Variants in RPS6KA6 observed in about 807,000 individuals in gnomAD.
RPS6KA6 encodes the protein ribosomal protein S6 kinase A6.
RPS6KA6 carries 27 observed loss-of-function variants against 65.4 expected under a neutral mutation model. The ratio of observed to expected loss-of-function variants is 0.41; its 90% confidence interval spans 0.30 to 0.57. RPS6KA6 has a LOEUF of 0.57. RPS6KA6 is among the 20% of genes least tolerant of loss of function. The pLI is 0.24. For synonymous variants in RPS6KA6, 190 were observed against 184.2 expected, an observed-to-expected ratio of 1.03 and a Z score of -0.26; for missense variants, 486 against 555.6, an observed-to-expected ratio of 0.87 and a Z score of 1.26.
chrX:84,125,863 A>G (rs1305081120), intron 8 of RPS6KA6, among the ~76,000 whole-genome samples: 1 of 110,740 alleles, frequency 9.0e-6, no homozygotes, highest in Non-Finnish European at 1.9e-5. Context: ...CAAAAAATAC[A>G]TAAATAAATA....
At chrX:84,166,664 A>G (rs1279728721) in intron 1 of RPS6KA6, among the ~76,000 whole-genome samples, 1 of 111,357 alleles carries the variant, frequency 9.0e-6, no homozygotes, top group East Asian at 2.8e-4. Context: ...TACTGAAAAA[A>G]TCACTTAACG....
At chrX:84,081,433 C>CT (rs1274368832) in intron 20 of RPS6KA6, among the ~76,000 whole-genome samples, 1 of 111,423 alleles carries the variant, frequency 9.0e-6, no homozygotes, top group Non-Finnish European at 1.9e-5. Context: ...AGTCGAATGC[C>CT]TGAATATACC....
At chrX:84,130,261 G>A (rs991917537) in intron 8 of RPS6KA6, among the ~76,000 whole-genome samples, 1 of 111,653 alleles carries the variant, frequency 9.0e-6, no homozygotes, top group African/African-American at 3.2e-5. Flanking sequence ...ATATGAAAAT[G>A]TGCTTAGTGT....
At chrX:84,143,114 A>C (rs1025571691) in intron 6 of RPS6KA6, among the ~76,000 whole-genome samples, 16 of 111,274 alleles carry the variant, frequency 1.4e-4, no homozygotes, top group Admixed American at 9.6e-5. Context: ...AAAAAGGGTA[A>C]TACATCAAGA....
intron 6 of RPS6KA6, among the ~76,000 whole-genome samples, chrX:84,140,452 ATG>A (rs1259401489): frequency 1.8e-5 from 2 of 110,855 alleles, no homozygotes; most frequent in Non-Finnish European, 3.8e-5. Flanking sequence ...ATTGTCAATC[ATG>A]GGCCAGGCAC....
chrX:84,097,883 A>C, intron 18 of RPS6KA6, 35 bp from the exon 19 acceptor site: 1 of 946,705 alleles, frequency 1.1e-6, no homozygotes. Flanking sequence ...GGTGTTACTC[A>C]ATATAAACTC....
intron 8 of RPS6KA6, among the ~76,000 whole-genome samples, chrX:84,125,844 A>G (rs113750768): frequency 1.8e-5 from 2 of 110,400 alleles, no homozygotes; most frequent in African/African-American, 6.6e-5. Flanking sequence ...ACAGAGCAAG[A>G]CTCCATCTCA....
chrX:84,094,308 GAAAAAAAAAAA>G (rs144397619), intron 20 of RPS6KA6, among the ~76,000 whole-genome samples: 1 of 68,515 alleles, frequency 1.5e-5, no homozygotes, highest in African/African-American at 5.6e-5. Flanking sequence ...GCCTTAAAGG[GAAAAAAAAAAA>G]AAAAAAAAAA....
intron 8 of RPS6KA6, among the ~76,000 whole-genome samples, chrX:84,124,408 T>C (rs984784212): frequency 1.8e-5 from 2 of 111,577 alleles, no homozygotes; most frequent in African/African-American, 6.5e-5. Flanking sequence ...AAACTAAAGA[T>C]AACGAAGAGA....
chrX:84,072,629 ATTATC>A (rs1405136674), intron 20 of RPS6KA6, among the ~76,000 whole-genome samples: 5 of 112,201 alleles, frequency 4.5e-5, no homozygotes, highest in Non-Finnish European at 7.5e-5. Context: ...TGCAGATGAC[ATTATC>A]TTATTTATAG....
At chrX:84,083,903 T>G (rs2147366486) in intron 20 of RPS6KA6, among the ~76,000 whole-genome samples, 1 of 112,506 alleles carries the variant, frequency 8.9e-6, no homozygotes, top group African/African-American at 3.2e-5. Flanking sequence ...GACTTTTTAA[T>G]AATTGCCATT....
rs1439032626 is a variant in RPS6KA6 at position 84,063,132 on chromosome X, AT to A, written c.*1144del. On this transcript the variant is annotated 3_prime_UTR_variant, in exon 22 of 22. Coordinates refer to ENST00000262752, the MANE Select transcript of RPS6KA6 (RefSeq NM_014496.5). ...AAATATGATTTTAAAATGTGCTCAA[AT>A]TTTTTGTAGACCATTAATATTATTC... 9.0e-6 allele frequency: 1 copy of A among 111,553 alleles called. No individual in the cohort carries two copies. The highest frequency in any genetic ancestry group is 1.9e-5 in the Non-Finnish European group (1 of 53,006). The allele number at this position is 111,553 out of a possible 1,213,427, so 9.2% of individuals were successfully genotyped here.
At chrX:84,101,261 T>C (rs776915667) in intron 18 of RPS6KA6, among the ~76,000 whole-genome samples, 1 of 111,312 alleles carries the variant, frequency 9.0e-6, no homozygotes, top group South Asian at 3.7e-4. Flanking sequence ...AAAGAACTTA[T>C]ATGGCCAATG....
chrX:84,168,580 A>G (rs1039802480), intron 1 of RPS6KA6, among the ~76,000 whole-genome samples: 1 of 111,826 alleles, frequency 8.9e-6, no homozygotes, highest in African/African-American at 3.3e-5. Context: ...CCAGAAATCA[A>G]TATTAAGACA....
At chrX:84,169,765 T>C (rs1432916345) in intron 1 of RPS6KA6, among the ~76,000 whole-genome samples, 2 of 111,729 alleles carry the variant, frequency 1.8e-5, no homozygotes, top group South Asian at 7.5e-4. Context: ...AGAATAAATA[T>C]GGGTGATGCA....
At chrX:84,179,670 TAATTGC>T in intron 1 of RPS6KA6, among the ~76,000 whole-genome samples, 1 of 112,024 alleles carries the variant, frequency 8.9e-6, no homozygotes, top group Non-Finnish European at 1.9e-5. Flanking sequence ...TATTCCAATG[TAATTGC>T]TCTACAAATG....
At chrX:84,149,880 C>T (rs777283943) in intron 3 of RPS6KA6, among the ~76,000 whole-genome samples, 32 of 111,785 alleles carry the variant, frequency 2.9e-4, no homozygotes, top group Admixed American at 2.9e-3. Flanking sequence ...TGAAGCTAGG[C>T]GCTGACTTCG....
intron 3 of RPS6KA6, among the ~76,000 whole-genome samples, chrX:84,154,140 C>T (rs1483736941): frequency 1.8e-5 from 2 of 111,045 alleles, no homozygotes; most frequent in Non-Finnish European, 3.8e-5. Flanking sequence ...AATATATTAG[C>T]TTCTTTATAA....
At chrX:84,119,836 GT>G in intron 9 of RPS6KA6, 48 bp downstream of exon 9, 1 of 1,009,971 alleles carries the variant, frequency 9.9e-7, no homozygotes, top group Non-Finnish European at 1.3e-6. Context: ...AAAATTATAA[GT>G]AATATCAATC....
Sources: allele counts gnomAD v4.1 joint callset (sites outside exome capture counted in the v4.1 genomes callset), GRCh38; gene constraint gnomAD v4.1.1; transcripts MANE v1.5; gene names NCBI Gene and HGNC (gene_info 2026-07-23, HGNC 2026-07-21).